Variants in PCDHGB2 observed in about 807,000 individuals in gnomAD.
PCDHGB2 encodes the protein protocadherin gamma-B2.
Under a neutral mutation model 59.3 loss-of-function variants are expected in PCDHGB2, and 55 were observed. That is an observed-to-expected ratio of 0.93 (90% CI 0.75 to 1.16). The LOEUF is 1.16. Among genes scored for constraint, PCDHGB2 ranks in the 50% most tolerant of loss-of-function variants. The probability of loss-of-function intolerance (pLI) is 0.00; values close to 1 mark genes in which losing one functional copy is unlikely to be tolerated. For synonymous variants in PCDHGB2, 516 were observed against 512.0 expected, an observed-to-expected ratio of 1.01 and a Z score of -0.11; for missense variants, 1,228 against 1,198.5, an observed-to-expected ratio of 1.02 and a Z score of -0.36.
chr5:141,481,104 C>T (rs2099531861), intron 1 of PCDHGB2, among the ~76,000 whole-genome samples: 1 of 152,130 alleles, frequency 6.6e-6, no homozygotes. Context: ...ACTCTGGAAC[C>T]TACCAATCCA....
At chr5:141,484,362 A>T (rs1460176695) in intron 1 of PCDHGB2, among the ~76,000 whole-genome samples, 1 of 152,196 alleles carries the variant, frequency 6.6e-6, no homozygotes, top group Non-Finnish European at 1.5e-5. Context: ...TATCTAGTGT[A>T]TCACTAGCAA....
chr5:141,370,804 T>C lies in PCDHGB2; in HGVS notation c.2421+8248T>C, dbSNP rs565720476. 223 of 1,614,010 alleles carry C rather than the reference T, an allele frequency of 1.4e-4. 3 individuals are homozygous for C. The Middle Eastern group carries it at 3.0e-3, about 21-fold the overall frequency. On this transcript the variant is annotated intron_variant, in intron 1 of 3. Coordinates refer to ENST00000522605, the MANE Select transcript of PCDHGB2 (RefSeq NM_018923.3). ...AACCCACCGACCTTTAGCCAAAATA[T>C]CACTGAGCTGGAAATCAGCGAACTG...
intron 1 of PCDHGB2, chr5:141,400,694 C>T: frequency 1.3e-6 from 1 of 763,776 alleles, no homozygotes; most frequent in South Asian, 1.9e-5. Context: ...GTTTTTATGT[C>T]GCATAAAAGA....
chr5:141,366,416 G>A (rs767881897), intron 1 of PCDHGB2: 1 of 1,614,000 alleles, frequency 6.2e-7, no homozygotes, highest in African/African-American at 1.3e-5. Context: ...TCTTGTGGTG[G>A]CAGTGGCTGC....
At chr5:141,382,749 G>T in intron 1 of PCDHGB2, 1 of 612,210 alleles carries the variant, frequency 1.6e-6, no homozygotes, top group Non-Finnish European at 2.8e-6. Context: ...GACAGATTGC[G>T]ATAAGCCCTC....
chr5:141,415,747 T>TTTTG, intron 1 of PCDHGB2: 2 of 797,626 alleles, frequency 2.5e-6, no homozygotes, highest in Non-Finnish European at 3.1e-6. Flanking sequence ...AAGGTTTTTT[T>TTTTG]TTTTTTTTTT....
At chr5:141,461,799 G>T (rs1025237561) in intron 1 of PCDHGB2, among the ~76,000 whole-genome samples, 5 of 151,188 alleles carry the variant, frequency 3.3e-5, no homozygotes, top group Admixed American at 1.3e-4. Context: ...GATTACAGGT[G>T]CCCACCACCA....
chr5:141,487,032 C>T lies in PCDHGB2; in HGVS notation c.2422-7775C>T. 6.2e-7 allele frequency: 1 copy of T among 1,614,210 alleles called. No individual in the cohort carries two copies. The highest frequency in any genetic ancestry group is 1.1e-5 in the South Asian group (1 of 91,084). ...GAGGCCCCAGATCCCAGCCTGTTTG[C>T]AGTCTCTCGATATGCTGGGGAGGTG... On this transcript the variant is annotated intron_variant, in intron 1 of 3. Coordinates refer to ENST00000522605, the MANE Select transcript of PCDHGB2 (RefSeq NM_018923.3). The surrounding 1 kb of genome is among the most constrained non-coding windows in gnomAD (Gnocchi z 5.0).
intron 1 of PCDHGB2, among the ~76,000 whole-genome samples, chr5:141,380,425 G>A (rs1383419124): frequency 1.3e-5 from 2 of 152,192 alleles, no homozygotes; most frequent in Non-Finnish European, 1.5e-5. Context: ...AAGCCAAATA[G>A]ACTTTACATA....
rs2099661624 is a variant in PCDHGB2, at chr5:141,487,712, G to A, written c.2422-7095G>A. The stretch of plus-strand genomic sequence containing the variant: ...AGAGAGTACTGGCCTCTCAGTAAGT[G>A]CCCATAGTGATGTCACCATTTTTGT... On this transcript the variant is annotated intron_variant, in intron 1 of 3. Coordinates refer to ENST00000522605, the MANE Select transcript of PCDHGB2 (RefSeq NM_018923.3). The surrounding 1 kb of genome is among the most constrained non-coding windows in gnomAD (Gnocchi z 5.0). The A allele has an allele frequency of 5.0e-6, 8 of 1,585,892 alleles. No individual in the cohort carries two copies. The highest frequency in any genetic ancestry group is 1.1e-5 in the South Asian group (1 of 87,950).
In PCDHGB2 at chr5:141,362,021, C is replaced by G; in HGVS notation, c.1886C>G (p.Ala629Gly). 1 of 1,607,220 alleles carries G rather than the reference C, an allele frequency of 6.2e-7. No individual in the cohort carries two copies. The highest frequency in any genetic ancestry group is 8.5e-7 in the Non-Finnish European group (1 of 1,178,882). The change falls in exon 1 of 4, where the codon GCG becomes GGG. Residue 629 changes from alanine (A) to glycine (G), a missense_variant. Physicochemically the swap from Ala to Gly is moderately conservative, Grantham distance 60. Coordinates refer to ENST00000522605, the MANE Select transcript of PCDHGB2 (RefSeq NM_018923.3). ...LGLRTGEVRT[A>G]RALGDRDAAR... ...TTGCGCACGGGTGAGGTGCGCACAG[C>G]GCGTGCCTTGGGCGACAGGGACGCG...
Position 141,432,155 on chromosome 5 carries a change from C to T in PCDHGB2, c.2422-62652C>T, listed in dbSNP as rs368480052. 3.8e-5 allele frequency: 62 copies of T among 1,614,178 alleles called. No individual in the cohort carries two copies. In the African/African-American group the frequency reaches 7.1e-4, roughly 18 times the overall value. On this transcript the variant is annotated intron_variant, in intron 1 of 3. Coordinates refer to ENST00000522605, the MANE Select transcript of PCDHGB2 (RefSeq NM_018923.3). This position sits in a 1 kb window ranked among gnomAD's most constrained non-coding sequence, Gnocchi z 6.0. ...TTCCGCTTATATCCCAGAGAACAATCCCAGAGGAGTTTCCCTCGTCTCTGT... is the reference window on the plus strand; with the variant it reads ...TTCCGCTTATATCCCAGAGAACAATTCCAGAGGAGTTTCCCTCGTCTCTGT...
chr5:141,489,254 C>T lies in PCDHGB2; in HGVS notation c.2422-5553C>T, dbSNP rs2099684538. 2 of 1,548,628 alleles carry T rather than the reference C, an allele frequency of 1.3e-6. No homozygotes were observed. Among genetic ancestry groups the T allele is most frequent in the African/African-American group, 1.4e-5 (1 of 73,008 alleles). ...GACTTCTGGGTCATGGGGCCCAAGA[C>T]ACTCCCACAGCTCGCTGGGAAATGG... is the stretch of plus-strand genomic sequence containing the variant. On this transcript the variant is annotated intron_variant, in intron 1 of 3. Transcript: ENST00000522605. This position sits in a 1 kb window ranked among gnomAD's most constrained non-coding sequence, Gnocchi z 4.5.
At position 141,431,555 on chromosome 5, in the gene PCDHGB2, G is replaced by A. The variant is rs2097394199; in HGVS notation, c.2422-63252G>A. On this transcript the variant is annotated intron_variant, in intron 1 of 3. Transcript: ENST00000522605. This position sits in a 1 kb window ranked among gnomAD's most constrained non-coding sequence, Gnocchi z 4.8. The stretch of plus-strand genomic sequence containing the variant: ...GGGCACGCAGCTGCTTGTAGTCAAC[G>A]CTACCGACCCTGACGAAGGAGTCAA... 1 of 1,614,014 alleles carries A rather than the reference G, an allele frequency of 6.2e-7. No individual in the cohort carries two copies. The highest frequency in any genetic ancestry group is 8.5e-7 in the Non-Finnish European group (1 of 1,180,032).
chr5:141,386,745 G>A (rs2090694894), intron 1 of PCDHGB2, among the ~76,000 whole-genome samples: 1 of 152,124 alleles, frequency 6.6e-6, no homozygotes, highest in Non-Finnish European at 1.5e-5. Context: ...AGATCCTATG[G>A]CAGAACTACG....
intron 1 of PCDHGB2, chr5:141,422,106 C>T: frequency 6.2e-7 from 1 of 1,607,266 alleles, no homozygotes; most frequent in Non-Finnish European, 8.5e-7. Flanking sequence ...CTGAAATATT[C>T]CAATTGGATT....
Position 141,449,720 on chromosome 5 carries a change from T to C in PCDHGB2, c.2422-45087T>C, listed in dbSNP as rs373093679. 2.4e-4 allele frequency among the ~76,000 whole-genome samples: 36 copies of C among 151,876 alleles called. No individual in the cohort carries two copies. In the East Asian group the frequency reaches 3.1e-3, roughly 13 times the overall value. ...ACACAAACACATTATTTTTATATGA[T>C]ATGATTTTTTTATGACATGATTATT... On this transcript the variant is annotated intron_variant, in intron 1 of 3. Coordinates refer to ENST00000522605, the MANE Select transcript of PCDHGB2 (RefSeq NM_018923.3).
rs1304361659 is a variant in PCDHGB2 at position 141,494,859 on chromosome 5, C to T, written c.2474C>T (p.Thr825Ile). 2 of 1,614,134 alleles carry T rather than the reference C, an allele frequency of 1.2e-6. No individual in the cohort carries two copies. The highest frequency in any genetic ancestry group is 8.5e-7 in the Non-Finnish European group (1 of 1,180,012). Reference protein sequence around the residue: ...WRFSQAQRPGTSGSQNGDDTG... With the variant: ...WRFSQAQRPGISGSQNGDDTG... Reference sequence around the variant, plus strand: ...TTCTCTCAGGCCCAGAGACCCGGCACCAGCGGGTAGGTGACTGATTCTCCA... The same window carrying T: ...TTCTCTCAGGCCCAGAGACCCGGCATCAGCGGGTAGGTGACTGATTCTCCA... Residue 825 changes from threonine to isoleucine, a missense_variant, in exon 2 of 4, where the codon ACC becomes ATC. By Grantham distance (89) the Thr-to-Ile change is moderately conservative. This residue lies in a region of PCDHGB2 where 433 missense variants were observed against 441.8 expected (regional missense o/e 0.98). Coordinates refer to ENST00000522605, the MANE Select transcript of PCDHGB2 (RefSeq NM_018923.3).
Position 141,405,325 on chromosome 5 carries a change from G to C in PCDHGB2, c.2421+42769G>C, listed in dbSNP as rs17097274. ...AGAGCTGTGAGAAAAATGAGCCTTT[G>C]TGCGTCTCTGTTGATTCCAAGTTTC... On this transcript the variant is annotated intron_variant, in intron 1 of 3. Transcript: ENST00000522605. The C allele has an allele frequency of 9.4e-4, 1,513 of 1,614,170 alleles. 9 individuals are homozygous for C. The African/African-American group carries it at 0.016, about 17-fold the overall frequency.
Sources: allele counts gnomAD v4.1 joint callset (sites outside exome capture counted in the v4.1 genomes callset), GRCh38; gene constraint gnomAD v4.1.1; regional missense constraint gnomAD v4.1.1; non-coding constraint Gnocchi (gnomAD v3.1); transcripts MANE v1.5; gene names NCBI Gene and HGNC (gene_info 2026-07-23, HGNC 2026-07-21).